HOMER1: variants seen among roughly 807,000 people sequenced by gnomAD.
HOMER1 encodes homer scaffold protein 1.
In HOMER1, 3 loss-of-function variants were observed where a neutral mutation model predicts 48.9. The observed-to-expected ratio is 0.06, with a 90% CI of 0.03 to 0.16. The LOEUF (loss-of-function observed/expected upper bound fraction) is 0.16, where lower values mean the gene tolerates loss of function less well. HOMER1 is among the 10% of genes least tolerant of loss of function. The probability of loss-of-function intolerance (pLI) is 1.00; values close to 1 mark genes in which losing one functional copy is unlikely to be tolerated. For missense variants in HOMER1, 247 were observed against 411.4 expected (o/e 0.60, Z 3.46); for synonymous variants, 134 against 146.4 (o/e 0.92, Z 0.61).
chr5:79,471,212 T>A (rs1275881639), intron 1 of HOMER1, among the ~76,000 whole-genome samples: 2 of 152,104 alleles, frequency 1.3e-5, no homozygotes, highest in African/African-American at 4.8e-5. Flanking sequence ...CCCAATGGCT[T>A]CCCATCTCAC....
intron 2 of HOMER1, among the ~76,000 whole-genome samples, chr5:79,456,607 T>C (rs897020041): frequency 2.6e-5 from 4 of 152,166 alleles, no homozygotes; most frequent in African/African-American, 9.6e-5. Context: ...ATAACAGATA[T>C]GCAATGAACA....
At chr5:79,506,548 C>G (rs1360927184) in intron 1 of HOMER1, among the ~76,000 whole-genome samples, 1 of 152,150 alleles carries the variant, frequency 6.6e-6, no homozygotes, top group East Asian at 1.9e-4. Context: ...GAGAGGCGTG[C>G]TGTAAAAATT....
chr5:79,423,695 C>G (rs992156900), intron 5 of HOMER1, among the ~76,000 whole-genome samples: 3 of 152,068 alleles, frequency 2.0e-5, no homozygotes, highest in African/African-American at 4.8e-5. Context: ...AGGTGGACAT[C>G]TTATTAATTT....
chr5:79,397,201 A>G (rs1749410077), intron 7 of HOMER1, among the ~76,000 whole-genome samples: 1 of 152,172 alleles, frequency 6.6e-6, no homozygotes, highest in South Asian at 2.1e-4. Flanking sequence ...CTAAGATATT[A>G]AAGTTTTGAC....
At chr5:79,432,289 G>A (rs944314540) in intron 5 of HOMER1, among the ~76,000 whole-genome samples, 1 of 152,106 alleles carries the variant, frequency 6.6e-6, no homozygotes, top group African/African-American at 2.4e-5. Context: ...AAATGGAGGG[G>A]AAAAAGGAAT....
At chr5:79,448,828 T>C (rs1750954601) in intron 3 of HOMER1, among the ~76,000 whole-genome samples, 1 of 152,160 alleles carries the variant, frequency 6.6e-6, no homozygotes, top group Admixed American at 6.5e-5. Flanking sequence ...CTGAAGCTCT[T>C]GGAGCCAAGT....
intron 1 of HOMER1, among the ~76,000 whole-genome samples, chr5:79,505,927 C>A (rs73770440): frequency 2.0e-5 from 3 of 151,922 alleles, no homozygotes; most frequent in Non-Finnish European, 2.9e-5. Context: ...ATTTTAGCTA[C>A]GCAAGAGCCA....
intron 5 of HOMER1, among the ~76,000 whole-genome samples, chr5:79,431,957 A>G (rs2112264909): frequency 6.6e-6 from 1 of 152,328 alleles, no homozygotes; most frequent in Non-Finnish European, 1.5e-5. Context: ...GTAGACTAGA[A>G]ACTATGTGGG....
chr5:79,443,540 T>G (rs190646559), intron 4 of HOMER1, among the ~76,000 whole-genome samples: 13 of 152,298 alleles, frequency 8.5e-5, no homozygotes, highest in African/African-American at 2.9e-4. Flanking sequence ...GGCATCTGAA[T>G]TTTTAAAGAT....
At chr5:79,479,554 G>C (rs1463408320) in intron 1 of HOMER1, among the ~76,000 whole-genome samples, 1 of 152,192 alleles carries the variant, frequency 6.6e-6, no homozygotes, top group Non-Finnish European at 1.5e-5. Flanking sequence ...CTAGAAGCTA[G>C]AAAAGTCAAG....
chr5:79,426,826 T>C (rs919553000), intron 5 of HOMER1, among the ~76,000 whole-genome samples: 1 of 152,162 alleles, frequency 6.6e-6, no homozygotes, highest in South Asian at 2.1e-4. Flanking sequence ...AAAGAAATGA[T>C]AAATGTTTGA....
At position 79,377,052 on chromosome 5, in the gene HOMER1, G is replaced by A. The variant is rs113941482; in HGVS notation, c.877-855C>T. ...GCAATCTTGGCTCACTGCAACCTCC[G>A]CCTCCCAGGTTCAAGCCATTCTCCT... On this transcript the variant is annotated intron_variant, in intron 8 of 8. Coordinates refer to ENST00000334082, the MANE Select transcript of HOMER1 (RefSeq NM_004272.5). 3.4e-3 allele frequency among the ~76,000 whole-genome samples: 521 copies of A among 152,174 alleles called. 4 individuals are homozygous for A. Among genetic ancestry groups the A allele is most frequent in the African/African-American group, 0.012 (491 of 41,526 alleles).
chr5:79,406,463 G>A (rs775306394), intron 5 of HOMER1, among the ~76,000 whole-genome samples: 14 of 152,210 alleles, frequency 9.2e-5, no homozygotes, highest in Non-Finnish European at 1.5e-4. Context: ...AATTTGTACC[G>A]TCTTGCAGGC....
chr5:79,420,438 T>C (rs902367123), intron 5 of HOMER1, among the ~76,000 whole-genome samples: 2 of 152,216 alleles, frequency 1.3e-5, no homozygotes, highest in Non-Finnish European at 2.9e-5. Context: ...GGATGAGTTA[T>C]GTATGACTCC....
intron 8 of HOMER1, among the ~76,000 whole-genome samples, chr5:79,377,170 T>G (rs1278854543): frequency 6.6e-6 from 1 of 152,202 alleles, no homozygotes. Flanking sequence ...TTCACCATGT[T>G]GGCCAGGCCA....
At chr5:79,494,698 A>T (rs1228992071) in intron 1 of HOMER1, among the ~76,000 whole-genome samples, 1 of 152,202 alleles carries the variant, frequency 6.6e-6, no homozygotes, top group Non-Finnish European at 1.5e-5. Context: ...GTGAAACTCT[A>T]TCCCTACTAA....
At chr5:79,393,164 G>A (rs191434393) in intron 8 of HOMER1, among the ~76,000 whole-genome samples, 1 of 152,142 alleles carries the variant, frequency 6.6e-6, no homozygotes, top group South Asian at 2.1e-4. Context: ...AACACTGCCT[G>A]TTCCCAAAAA....
intron 5 of HOMER1, among the ~76,000 whole-genome samples, chr5:79,429,172 A>G (rs539367320): frequency 1.1e-4 from 17 of 152,320 alleles, no homozygotes; most frequent in African/African-American, 4.1e-4. Flanking sequence ...CCTGGCCAAC[A>G]TGGTGAAATC....
At chr5:79,416,365 T>C (rs1328883132) in intron 5 of HOMER1, among the ~76,000 whole-genome samples, 4 of 152,168 alleles carry the variant, frequency 2.6e-5, no homozygotes, top group Non-Finnish European at 5.9e-5. Flanking sequence ...TAATTTCTGA[T>C]TGTGAGAGGG....
Sources: allele counts gnomAD v4.1 joint callset (sites outside exome capture counted in the v4.1 genomes callset), GRCh38; gene constraint gnomAD v4.1.1; transcripts MANE v1.5; gene names NCBI Gene and HGNC (gene_info 2026-07-23, HGNC 2026-07-21).